CARS1: variants seen among roughly 807,000 people sequenced by gnomAD.
CARS1 encodes cysteinyl-tRNA synthetase 1.
Under a neutral mutation model 106.2 loss-of-function variants are expected in CARS1, and 48 were observed. That is an observed-to-expected ratio of 0.45 (90% CI 0.36 to 0.57). CARS1 has a LOEUF of 0.57. CARS1 is among the 20% of genes least tolerant of loss of function. The probability of loss-of-function intolerance (pLI) is 0.00; values close to 1 mark genes in which losing one functional copy is unlikely to be tolerated. For synonymous variants in CARS1, 409 were observed against 403.4 expected, an observed-to-expected ratio of 1.01 and a Z score of -0.17; for missense variants, 968 against 1,057.2, an observed-to-expected ratio of 0.92 and a Z score of 1.17.
rs181224673 is a variant in CARS1, at chr11:3,020,740, T to C, written c.1154-408A>G. ...TGGCTCAGGGATCCTGCCTGGTTCA[T>C]GCGGGTGGGGTCAATATGTCAAGGG... On this transcript the variant is annotated intron_variant, in intron 10 of 22. Transcript: ENST00000380525. This position sits in a 1 kb window ranked among gnomAD's most constrained non-coding sequence, Gnocchi z 4.6. Among the ~76,000 whole-genome samples the C allele has an allele frequency of 1.7e-3, 262 of 152,290 alleles. 3 individuals are homozygous for C. The highest frequency in any genetic ancestry group is 5.8e-3 in the African/African-American group (240 of 41,574).
intron 19 of CARS1, among the ~76,000 whole-genome samples, chr11:3,006,227 C>T (rs1169618865): frequency 1.3e-5 from 2 of 152,186 alleles, no homozygotes; most frequent in African/African-American, 4.8e-5. Context: ...GGGCAGATTA[C>T]TTGAGGTCAG....
chr11:3,000,932 C>A lies in CARS1; in HGVS notation c.*182G>T, dbSNP rs540391788. ...GCAGAACAAGACAGAGAGGGTCTCA[C>A]TGTTGAGAAAAATTTATTATCAATG... On this transcript the variant is annotated 3_prime_UTR_variant, in exon 23 of 23. Transcript: ENST00000380525. The surrounding 1 kb of genome is among the most constrained non-coding windows in gnomAD (Gnocchi z 7.1). 2 of 668,108 alleles carry A rather than the reference C, an allele frequency of 3.0e-6. No homozygotes were observed. The highest frequency in any genetic ancestry group is 2.8e-5 in the Admixed American group (1 of 35,506). 41.4% of individuals were successfully genotyped at this position (668,108 alleles called of 1,614,324 possible). A position where few individuals can be genotyped will look rare whatever the true frequency, so the allele number is the denominator to read the frequency against.
At chr11:3,006,029 C>T (rs921134812) in intron 19 of CARS1, among the ~76,000 whole-genome samples, 2 of 152,102 alleles carry the variant, frequency 1.3e-5, no homozygotes, top group African/African-American at 4.8e-5. Flanking sequence ...TTGGAGGGTT[C>T]GTAACACAAA....
At position 3,004,867 on chromosome 11, in the gene CARS1, G is replaced by A. The variant is rs1849709060; in HGVS notation, c.2217+499C>T. Among the ~76,000 whole-genome samples, 1 of 152,132 alleles carries A rather than the reference G, an allele frequency of 6.6e-6. No homozygotes were observed. The highest frequency in any genetic ancestry group is 2.4e-5 in the African/African-American group (1 of 41,418). On this transcript the variant is annotated intron_variant, in intron 20 of 22. Coordinates refer to ENST00000380525, the MANE Select transcript of CARS1 (RefSeq NM_001014437.3). This position sits in a 1 kb window ranked among gnomAD's most constrained non-coding sequence, Gnocchi z 5.2. The stretch of plus-strand genomic sequence containing the variant: ...TCAAGCCTGTAATCCCAGCACTTTG[G>A]GAGGCCAAGGTGGGTGGATCACGAG...
At position 3,017,885 on chromosome 11, in the gene CARS1, C is replaced by T; in HGVS notation, c.1699G>A (p.Gly567Arg). The change falls in exon 15 of 23, where the codon GGA becomes AGA. Residue 567 changes from glycine to arginine, a missense_variant. Gly to Arg is a moderately radical substitution (Grantham distance 125, BLOSUM62 -2). Transcript: ENST00000380525. This position sits in a 1 kb window ranked among gnomAD's most constrained non-coding sequence, Gnocchi z 4.9. ...VDITGQFEKW[G>R]EEEAELNKNF... ...TTATTCAGTTCTGCTTCTTCTTCTC[C>T]CCACTTCTCAAACTGACCAGTGATG... 3 of 1,613,360 alleles carry T rather than the reference C, an allele frequency of 1.9e-6. No individual in the cohort carries two copies. The highest frequency in any genetic ancestry group is 1.1e-5 in the South Asian group (1 of 91,040).
Position 3,004,003 on chromosome 11 carries a change from C to A in CARS1, c.2217+1363G>T, listed in dbSNP as rs1216395820. ...CTGGCCGGGCCACCCTGGCGCTCCT[C>A]TTGTCTGTTTCCTGCTTCTGAGCAC... On this transcript the variant is annotated intron_variant, in intron 20 of 22. Coordinates refer to ENST00000380525, the MANE Select transcript of CARS1 (RefSeq NM_001014437.3). The surrounding 1 kb of genome is among the most constrained non-coding windows in gnomAD (Gnocchi z 5.2). Among the ~76,000 whole-genome samples the A allele has an allele frequency of 6.6e-6, 1 of 152,212 alleles. No homozygotes were observed. Among genetic ancestry groups the A allele is most frequent in the Non-Finnish European group, 1.5e-5 (1 of 68,030 alleles).
At position 3,047,823 on chromosome 11, in the gene CARS1, C is replaced by A; in HGVS notation, c.204G>T (p.Arg68=). 4 of 1,614,194 alleles carry A rather than the reference C, an allele frequency of 2.5e-6. No individual in the cohort carries two copies. The highest frequency in any genetic ancestry group is 3.4e-6 in the Non-Finnish European group (4 of 1,180,038). The change falls in exon 2 of 23, where the codon CGG becomes CGT. Residue 68 remains arginine (R), a synonymous_variant. Transcript: ENST00000380525. ...PADPQLFHVA[R]WFRHIEALLG... ...GGAGCGCTTCTATGTGCCTGAACCA[C>A]CGAGCCACGTGGAAGAGCTGGGGGT...
Position 3,040,056 on chromosome 11 carries a change from A to G in CARS1, c.456-125T>C. 1 of 572,662 alleles carries G rather than the reference A, an allele frequency of 1.7e-6. No homozygotes were observed. Among genetic ancestry groups the G allele is most frequent in the Non-Finnish European group, 3.0e-6 (1 of 328,166 alleles). 35.5% of individuals were successfully genotyped at this position (572,662 alleles called of 1,614,324 possible). ...TTTTCTCTGCCATCCCTGAAACAGC[A>G]AGACCCCCCCTTCTCCTCCTCAGTC... On this transcript the variant is annotated intron_variant, in intron 4 of 22. Transcript: ENST00000380525. The surrounding 1 kb of genome is among the most constrained non-coding windows in gnomAD (Gnocchi z 5.8).
intron 1 of CARS1, among the ~76,000 whole-genome samples, chr11:3,049,181 C>T (rs1284987868): frequency 6.6e-6 from 1 of 152,058 alleles, no homozygotes; most frequent in Non-Finnish European, 1.5e-5. Flanking sequence ...GTGGTGCAAT[C>T]AAGGCTCATC....
rs1374100560 is a variant in CARS1 at position 3,044,761 on chromosome 11, A to C, written c.275-2505T>G. ...GATTCCAGAGTCCCACCCTGACCTG[A>C]GTGATCCAACAACAGACCAACTATG... On this transcript the variant is annotated intron_variant, in intron 2 of 22. Transcript: ENST00000380525. The surrounding 1 kb of genome is among the most constrained non-coding windows in gnomAD (Gnocchi z 4.4). 6.6e-6 allele frequency among the ~76,000 whole-genome samples: 1 copy of C among 152,120 alleles called. No homozygotes were observed. The highest frequency in any genetic ancestry group is 1.9e-4 in the East Asian group (1 of 5,192).
intron 1 of CARS1, among the ~76,000 whole-genome samples, chr11:3,055,874 G>A (rs1564803310): frequency 6.6e-6 from 1 of 152,236 alleles, no homozygotes; most frequent in Non-Finnish European, 1.5e-5. Flanking sequence ...CATGCTCCAA[G>A]GTAGGAGCCA....
Position 3,004,616 on chromosome 11 carries a change from A to C in CARS1, c.2217+750T>G, listed in dbSNP as rs114400468. 1.1e-3 allele frequency among the ~76,000 whole-genome samples: 174 copies of C among 152,322 alleles called. No individual in the cohort carries two copies. The highest frequency in any genetic ancestry group is 4.1e-3 in the African/African-American group (169 of 41,572). On this transcript the variant is annotated intron_variant, in intron 20 of 22. Transcript: ENST00000380525. The surrounding 1 kb of genome is among the most constrained non-coding windows in gnomAD (Gnocchi z 5.2). Reference sequence around the variant, plus strand: ...TGCTGCCTGCATCCCAGGGTACCCCATGCGCTGTGCCCAGAGATTCTGACA... The same window carrying C: ...TGCTGCCTGCATCCCAGGGTACCCCCTGCGCTGTGCCCAGAGATTCTGACA...
In CARS1 at chr11:3,038,573, C is replaced by A. The variant is rs1853994743; in HGVS notation, c.652-374G>T. On this transcript the variant is annotated intron_variant, in intron 6 of 22. Coordinates refer to ENST00000380525, the MANE Select transcript of CARS1 (RefSeq NM_001014437.3). The surrounding 1 kb of genome is among the most constrained non-coding windows in gnomAD (Gnocchi z 4.0). ...CCATCAGGAAGGTACTCAGGCCTCA[C>A]TGACCTAAAAGATTGCTCAGCTCTA... Among the ~76,000 whole-genome samples, 1 of 152,216 alleles carries A rather than the reference C, an allele frequency of 6.6e-6. No individual in the cohort carries two copies. Among genetic ancestry groups the A allele is most frequent in the Admixed American group, 6.5e-5 (1 of 15,288 alleles).
Position 3,028,743 on chromosome 11 carries a change from T to G in CARS1, c.1031+253A>C. 1.9e-6 allele frequency: 1 copy of G among 521,822 alleles called. No individual in the cohort carries two copies. The highest frequency in any genetic ancestry group is 3.1e-5 in the East Asian group (1 of 32,776). The allele number at this position is 521,822 out of a possible 1,614,324, so 32.3% of individuals were successfully genotyped here. A position where few individuals can be genotyped will look rare whatever the true frequency, so the allele number is the denominator to read the frequency against. On this transcript the variant is annotated intron_variant, in intron 9 of 22. Coordinates refer to ENST00000380525, the MANE Select transcript of CARS1 (RefSeq NM_001014437.3). The surrounding 1 kb of genome is among the most constrained non-coding windows in gnomAD (Gnocchi z 4.4). ...TGCAGCTCTGGGGCCCCATGACTGATGGTCTTGGCTGCCGAGCTTCCCAGC... is the reference window on the plus strand; with the variant it reads ...TGCAGCTCTGGGGCCCCATGACTGAGGGTCTTGGCTGCCGAGCTTCCCAGC...
Position 3,040,246 on chromosome 11 carries a change from T to G in CARS1, c.456-315A>C, listed in dbSNP as rs1040832068. ...CAGTATGTAATGTATATACAAAATA[T>G]GTGTTCATTGACTGGCATGCTATTG... On this transcript the variant is annotated intron_variant, in intron 4 of 22. Coordinates refer to ENST00000380525, the MANE Select transcript of CARS1 (RefSeq NM_001014437.3). The surrounding 1 kb of genome is among the most constrained non-coding windows in gnomAD (Gnocchi z 5.8). 1.3e-5 allele frequency among the ~76,000 whole-genome samples: 2 copies of G among 152,238 alleles called. No homozygotes were observed. The highest frequency in any genetic ancestry group is 4.8e-5 in the African/African-American group (2 of 41,454).
chr11:3,055,360 C>T lies in CARS1; in HGVS notation c.25+1983G>A, dbSNP rs569410186. ...AGTAGAGACAGGGTTTCACCATGGTCTCGATCTCCTGACCTCGTGATCTGC... is the reference window on the plus strand; with the variant it reads ...AGTAGAGACAGGGTTTCACCATGGTTTCGATCTCCTGACCTCGTGATCTGC... On this transcript the variant is annotated intron_variant, in intron 1 of 22. Coordinates refer to ENST00000380525, the MANE Select transcript of CARS1 (RefSeq NM_001014437.3). 9.9e-5 allele frequency among the ~76,000 whole-genome samples: 15 copies of T among 152,252 alleles called. No homozygotes were observed. The South Asian group carries it at 3.1e-3, about 32-fold the overall frequency.
chr11:3,020,171 G>A lies in CARS1; in HGVS notation c.1266+49C>T. The A allele has an allele frequency of 9.1e-7, 1 of 1,098,498 alleles. No individual in the cohort carries two copies. The highest frequency in any genetic ancestry group is 1.7e-5 in the Admixed American group (1 of 59,250). 68.0% of individuals were successfully genotyped at this position (1,098,498 alleles called of 1,614,324 possible). ...TGCTGGGGGCCTGAGAGTGTGGCTG[G>A]CGCCAGTGCCCCTGTCCAAGCCCCA... On this transcript the variant is annotated intron_variant, in intron 11 of 22. Coordinates refer to ENST00000380525, the MANE Select transcript of CARS1 (RefSeq NM_001014437.3). The surrounding 1 kb of genome is among the most constrained non-coding windows in gnomAD (Gnocchi z 4.6).
At chr11:3,055,160 A>T (rs1856073196) in intron 1 of CARS1, 1 of 576,850 alleles carries the variant, frequency 1.7e-6, no homozygotes, top group African/African-American at 1.9e-5. Flanking sequence ...AGCATTTACG[A>T]TTGGATTTTT....
rs1849346621 is a variant in CARS1 at position 3,000,948 on chromosome 11, A to C, written c.*166T>G. 1.4e-6 allele frequency: 1 copy of C among 729,512 alleles called. No homozygotes were observed. 45.2% of individuals were successfully genotyped at this position (729,512 alleles called of 1,614,324 possible). ...AGGGTCTCACTGTTGAGAAAAATTT[A>C]TTATCAATGTCTCAGAGCCAACGAC... On this transcript the variant is annotated 3_prime_UTR_variant, in exon 23 of 23. Transcript: ENST00000380525. This position sits in a 1 kb window ranked among gnomAD's most constrained non-coding sequence, Gnocchi z 7.1.
Sources: allele counts gnomAD v4.1 joint callset (sites outside exome capture counted in the v4.1 genomes callset), GRCh38; gene constraint gnomAD v4.1.1; non-coding constraint Gnocchi (gnomAD v3.1); transcripts MANE v1.5; gene names NCBI Gene and HGNC (gene_info 2026-07-23, HGNC 2026-07-21).